The following TOX variants were observed in gnomAD, a reference collection of about 807,000 sequenced individuals.
The protein encoded by TOX is thymocyte selection-associated high mobility group box protein TOX.
TOX carries 11 observed loss-of-function variants against 53.7 expected under a neutral mutation model. That is an observed-to-expected ratio of 0.20 (90% CI 0.13 to 0.34). TOX has a LOEUF of 0.34. Among genes scored for constraint, TOX ranks in the 10% least tolerant of loss-of-function variants. TOX has a pLI of 1.00. For synonymous variants in TOX, 225 were observed against 245.3 expected (o/e 0.92, Z 0.77); for missense variants, 570 against 664.6 (o/e 0.86, Z 1.56).
intron 4 of TOX, among the ~76,000 whole-genome samples, chr8:58,847,964 A>T (rs892200773): frequency 6.6e-6 from 1 of 152,160 alleles, no homozygotes; most frequent in African/African-American, 2.4e-5. Context: ...TTTTAAAGGC[A>T]TAAAGAAAAA....
chr8:58,933,981 A>G (rs902085674), intron 3 of TOX, among the ~76,000 whole-genome samples: 1 of 152,152 alleles, frequency 6.6e-6, no homozygotes, highest in East Asian at 1.9e-4. Flanking sequence ...TCTCATTTCA[A>G]TGCTTTTCTA....
chr8:59,023,936 A>G (rs1186547496), intron 1 of TOX, among the ~76,000 whole-genome samples: 5 of 152,232 alleles, frequency 3.3e-5, no homozygotes, highest in African/African-American at 1.2e-4. Context: ...CAGAGAAGAG[A>G]ATTCCAAGTT....
At chr8:58,868,761 T>C (rs946972684) in intron 3 of TOX, among the ~76,000 whole-genome samples, 1 of 146,064 alleles carries the variant, frequency 6.8e-6, no homozygotes, top group African/African-American at 2.6e-5. Context: ...GCTTCTACCA[T>C]AGTAAACCAG....
At chr8:58,830,970 A>C (rs1377607216) in intron 5 of TOX, among the ~76,000 whole-genome samples, 1 of 152,202 alleles carries the variant, frequency 6.6e-6, no homozygotes, top group East Asian at 1.9e-4. Flanking sequence ...GAGCAAGTGC[A>C]TCTATATTTT....
At chr8:58,903,997 G>C (rs577908264) in intron 3 of TOX, among the ~76,000 whole-genome samples, 1 of 152,248 alleles carries the variant, frequency 6.6e-6, no homozygotes, top group African/African-American at 2.4e-5. Context: ...CTATTAAAAT[G>C]AACCACACAA....
At chr8:58,825,929 C>T (rs1810357886) in intron 6 of TOX, among the ~76,000 whole-genome samples, 1 of 152,120 alleles carries the variant, frequency 6.6e-6, no homozygotes, top group Non-Finnish European at 1.5e-5. Flanking sequence ...TCTCACAGTG[C>T]CATACCTTAG....
intron 3 of TOX, among the ~76,000 whole-genome samples, chr8:58,935,636 A>G (rs1302865985): frequency 6.6e-6 from 1 of 152,108 alleles, no homozygotes; most frequent in South Asian, 2.1e-4. Context: ...TCATATCTGT[A>G]GACATTATTT....
At chr8:58,907,679 A>G (rs1811840425) in intron 3 of TOX, among the ~76,000 whole-genome samples, 1 of 152,180 alleles carries the variant, frequency 6.6e-6, no homozygotes, top group Non-Finnish European at 1.5e-5. Flanking sequence ...TTAGGATCAG[A>G]GGCAGAATTG....
In TOX at chr8:59,068,916, G is replaced by T. The variant is rs571886943; in HGVS notation, c.102+49970C>A. On this transcript the variant is annotated intron_variant, in intron 1 of 8. Coordinates refer to ENST00000361421, the MANE Select transcript of TOX (RefSeq NM_014729.3). ...GGAAGGGCTTCCTAAAAGGAGTGAT[G>T]TGAGAAGAGTTTGCAAGAGTCAGTC... is the stretch of plus-strand genomic sequence containing the variant. Among the ~76,000 whole-genome samples the T allele has an allele frequency of 7.9e-5, 12 of 152,318 alleles. 1 individual carries two copies. Among genetic ancestry groups the T allele is most frequent in the Admixed American group, 6.5e-4 (10 of 15,300 alleles).
At chr8:58,885,426 ATGT>A (rs1811449539) in intron 3 of TOX, among the ~76,000 whole-genome samples, 1 of 152,070 alleles carries the variant, frequency 6.6e-6, no homozygotes, top group African/African-American at 2.4e-5. Flanking sequence ...GCTTTAAACT[ATGT>A]ATAAAATATT....
chr8:58,894,662 C>T lies in TOX; in HGVS notation c.412-42857G>A, dbSNP rs546316266. On this transcript the variant is annotated intron_variant, in intron 3 of 8. Transcript: ENST00000361421. ...TAATCCCAGCACTTTGGGAGGCCGA[C>T]GCGGGTGGATCACTTGAGGTCAGCA... Among the ~76,000 whole-genome samples, 54 of 147,780 alleles carry T rather than the reference C, an allele frequency of 3.7e-4. 1 individual carries two copies. The highest frequency in any genetic ancestry group is 1.4e-3 in the African/African-American group (54 of 39,968).
At chr8:58,813,900 C>T (rs7838449) in intron 7 of TOX, among the ~76,000 whole-genome samples, 75,490 of 151,900 alleles carry the variant, frequency 0.5, 19,719 homozygotes, top group Non-Finnish European at 0.59. Flanking sequence ...ACAAGAACGA[C>T]TGTGAATGAG....
At chr8:58,998,203 T>C (rs1480067910) in intron 1 of TOX, among the ~76,000 whole-genome samples, 2 of 151,722 alleles carry the variant, frequency 1.3e-5, no homozygotes, top group Non-Finnish European at 2.9e-5. Context: ...AAAAAAAATA[T>C]GGTAGCCGGG....
chr8:59,064,690 T>A (rs999582912), intron 1 of TOX, among the ~76,000 whole-genome samples: 1 of 152,160 alleles, frequency 6.6e-6, no homozygotes, highest in Non-Finnish European at 1.5e-5. Flanking sequence ...TTTGTACAAA[T>A]ACATTTCCTT....
At chr8:58,907,724 G>A (rs1811841877) in intron 3 of TOX, among the ~76,000 whole-genome samples, 1 of 152,180 alleles carries the variant, frequency 6.6e-6, no homozygotes, top group African/African-American at 2.4e-5. Context: ...CAGTATCAGT[G>A]AGGCTGTCTC....
At chr8:58,966,193 G>A (rs1458179648) in intron 1 of TOX, among the ~76,000 whole-genome samples, 1 of 152,068 alleles carries the variant, frequency 6.6e-6, no homozygotes, top group Admixed American at 6.6e-5. Context: ...TGAACCTGTT[G>A]ATGATACAAG....
chr8:58,998,534 T>TA (rs1450253677), intron 1 of TOX, among the ~76,000 whole-genome samples: 624 of 18,246 alleles, frequency 0.034, 17 homozygotes, highest in South Asian at 0.07. Context: ...TATATATATA[T>TA]ATATAAATTT....
intron 1 of TOX, among the ~76,000 whole-genome samples, chr8:58,976,928 T>C (rs561153394): frequency 2.6e-4 from 40 of 152,238 alleles, no homozygotes; most frequent in Admixed American, 2.2e-3. Flanking sequence ...CCAGCTAGAG[T>C]AGACTGAGCA....
At chr8:58,877,753 G>T (rs1585875157) in intron 3 of TOX, among the ~76,000 whole-genome samples, 1 of 152,050 alleles carries the variant, frequency 6.6e-6, no homozygotes. Flanking sequence ...ATATGCAGTC[G>T]TGCAGTGTAC....
Sources: gnomAD v4.1 joint callset for allele counts (sites outside exome capture counted in the v4.1 genomes callset) on GRCh38, gnomAD v4.1.1 for gene constraint, MANE v1.5 for transcripts, NCBI Gene and HGNC (gene_info 2026-07-23, HGNC 2026-07-21) for gene names.